Variants in HDAC8 observed in about 807,000 individuals in gnomAD.
HDAC8 encodes histone deacetylase 8, also known as histone deacetylase-like 1.
In HDAC8, 1 loss-of-function variant was observed where a neutral mutation model predicts 32.2. The observed-to-expected ratio is 0.03, with a 90% confidence interval of 0.01 to 0.15. The LOEUF is 0.15. Ranked by LOEUF, HDAC8 falls within the 10% of genes least tolerant of loss-of-function variation. The pLI is 1.00. For missense variants in HDAC8, 117 were observed against 300.0 expected (o/e 0.39, Z 4.51); for synonymous variants, 108 against 113.9 (o/e 0.95, Z 0.33).
Position 72,341,179 on chromosome X carries a change from C to T in HDAC8, c.1111+10554G>A, listed in dbSNP as rs1167506273. Reference sequence around the variant, plus strand: ...AGTCTCCTCTGGCCCAGCTCCCCTCCTGTGATCTTCCCCAGGATCATGGTC... The same window carrying T: ...AGTCTCCTCTGGCCCAGCTCCCCTCTTGTGATCTTCCCCAGGATCATGGTC... On this transcript the variant is annotated intron_variant, in intron 10 of 10. Coordinates refer to ENST00000373573, the MANE Select transcript of HDAC8 (RefSeq NM_018486.3). Among the ~76,000 whole-genome samples the T allele has an allele frequency of 3.6e-5, 4 of 112,032 alleles. No individual in the cohort carries two copies. In the Admixed American group the frequency reaches 3.8e-4, roughly 11 times the overall value.
chrX:72,427,609 G>A (rs1350009838), intron 9 of HDAC8, among the ~76,000 whole-genome samples: 1 of 83,616 alleles, frequency 1.2e-5, no homozygotes, highest in Non-Finnish European at 2.5e-5. Context: ...GGGTGGGGGG[G>A]GGGAGGGATA....
At chrX:72,531,924 G>A (rs1352354490) in intron 4 of HDAC8, among the ~76,000 whole-genome samples, 2 of 111,960 alleles carry the variant, frequency 1.8e-5, no homozygotes, top group Non-Finnish European at 3.8e-5. Context: ...TAATGTGGCA[G>A]TTAACAATGG....
At chrX:72,514,895 ATCT>A (rs1485592798) in intron 4 of HDAC8, among the ~76,000 whole-genome samples, 2 of 111,760 alleles carry the variant, frequency 1.8e-5, no homozygotes, top group African/African-American at 6.5e-5. Context: ...TTGAGAAATA[ATCT>A]TTTTTTAAAA....
intron 4 of HDAC8, among the ~76,000 whole-genome samples, chrX:72,555,839 TA>T (rs1156573646): frequency 8.9e-6 from 1 of 112,513 alleles, no homozygotes; most frequent in African/African-American, 3.2e-5. Flanking sequence ...TTTGAAGGGA[TA>T]ATTAAGGAAA....
At chrX:72,502,076 T>C (rs1213298721) in intron 4 of HDAC8, among the ~76,000 whole-genome samples, 1 of 111,864 alleles carries the variant, frequency 8.9e-6, no homozygotes, top group East Asian at 2.8e-4. Context: ...TGAGATACCA[T>C]GTCACACCAG....
chrX:72,492,406 A>G (rs2048898298), intron 5 of HDAC8, among the ~76,000 whole-genome samples: 1 of 111,748 alleles, frequency 8.9e-6, no homozygotes, highest in African/African-American at 3.2e-5. Context: ...ATCATATTTA[A>G]AAAGGAGATG....
intron 9 of HDAC8, among the ~76,000 whole-genome samples, chrX:72,379,964 CTG>C (rs1436866199): frequency 9.9e-5 from 11 of 111,129 alleles, no homozygotes; most frequent in Non-Finnish European, 5.6e-5. Context: ...CCAAGATGCT[CTG>C]TGTGTATGTT....
intron 9 of HDAC8, among the ~76,000 whole-genome samples, chrX:72,447,030 T>A (rs57324218): frequency 0.092 from 10,244 of 111,773 alleles, 1,122 homozygotes; most frequent in African/African-American, 0.32. Context: ...GCTGGTACCA[T>A]TCCTTCTGAA....
At chrX:72,478,131 C>A (rs868946827) in intron 7 of HDAC8, among the ~76,000 whole-genome samples, 1 of 112,408 alleles carries the variant, frequency 8.9e-6, no homozygotes, top group Non-Finnish European at 1.9e-5. Flanking sequence ...GTAAACAGGA[C>A]TGCACGGGGG....
At chrX:72,524,332 C>G (rs1345648750) in intron 4 of HDAC8, among the ~76,000 whole-genome samples, 3 of 112,069 alleles carry the variant, frequency 2.7e-5, no homozygotes, top group Non-Finnish European at 5.6e-5. Flanking sequence ...TGCTGCCATT[C>G]TCTACCTCAT....
chrX:72,345,002 C>T (rs2043987526), intron 10 of HDAC8, among the ~76,000 whole-genome samples: 1 of 111,574 alleles, frequency 9.0e-6, no homozygotes, highest in Admixed American at 9.6e-5. Context: ...CCCATCCCCA[C>T]CCTTCTGAAT....
chrX:72,489,323 C>G, intron 6 of HDAC8: 1 of 390,708 alleles, frequency 2.6e-6, no homozygotes, highest in Non-Finnish European at 4.7e-6. Context: ...TGCAATTATT[C>G]AGGATGTTAG....
intron 10 of HDAC8, among the ~76,000 whole-genome samples, chrX:72,349,599 G>A (rs1199693829): frequency 8.9e-6 from 1 of 112,084 alleles, no homozygotes; most frequent in Non-Finnish European, 1.9e-5. Context: ...TAATTTTCAT[G>A]TCCTTTGAGA....
chrX:72,524,545 G>A (rs1282458862), intron 4 of HDAC8, among the ~76,000 whole-genome samples: 4 of 111,860 alleles, frequency 3.6e-5, no homozygotes, highest in East Asian at 2.8e-4. Context: ...AAGGGTTGGA[G>A]TCAAGAACTT....
chrX:72,530,982 G>A (rs59610466), intron 4 of HDAC8, among the ~76,000 whole-genome samples: 2,245 of 111,995 alleles, frequency 0.02, 56 homozygotes, highest in African/African-American at 0.067. Flanking sequence ...GTGCCTTGAA[G>A]GAGTAGCAGT....
At chrX:72,403,655 C>T (rs782721712) in intron 9 of HDAC8, among the ~76,000 whole-genome samples, 2 of 111,421 alleles carry the variant, frequency 1.8e-5, no homozygotes, top group South Asian at 3.8e-4. Context: ...GGTGAAACGC[C>T]GTCTCTACCA....
At chrX:72,364,044 T>C (rs1253241729) in intron 9 of HDAC8, among the ~76,000 whole-genome samples, 5 of 111,582 alleles carry the variant, frequency 4.5e-5, no homozygotes, top group African/African-American at 1.6e-4. Context: ...TAGGAGTACA[T>C]AGACCCCGGC....
chrX:72,555,088 C>T (rs1051017371), intron 4 of HDAC8, among the ~76,000 whole-genome samples: 1 of 112,367 alleles, frequency 8.9e-6, no homozygotes, highest in South Asian at 3.7e-4. Flanking sequence ...TTTACAGACA[C>T]TCCCCAGTAC....
chrX:72,480,833 C>T (rs1464303223), intron 7 of HDAC8, among the ~76,000 whole-genome samples: 9 of 109,965 alleles, frequency 8.2e-5, no homozygotes, highest in African/African-American at 3.0e-4. Context: ...TGTTCTTCCT[C>T]ATAAGTGAGA....
Sources: gnomAD v4.1 joint callset for allele counts (sites outside exome capture counted in the v4.1 genomes callset) on GRCh38, gnomAD v4.1.1 for gene constraint, MANE v1.5 for transcripts, NCBI Gene and HGNC (gene_info 2026-07-23, HGNC 2026-07-21) for gene names.